Variants in LRRC18 observed in about 807,000 individuals in gnomAD.
The protein encoded by LRRC18 is leucine-rich repeat-containing protein 18.
LRRC18 carries 12 observed loss-of-function variants against 11.2 expected under a neutral mutation model. The observed-to-expected ratio is 1.07, with a 90% confidence interval of 0.69 to 1.74. The LOEUF (loss-of-function observed/expected upper bound fraction) is 1.74, where lower values mean the gene tolerates loss of function less well. LRRC18 is among the 40% of genes most tolerant of loss of function. The probability of loss-of-function intolerance (pLI) is 0.00; values close to 1 mark genes in which losing one functional copy is unlikely to be tolerated. For missense variants in LRRC18, 374 were observed against 330.5 expected, an observed-to-expected ratio of 1.13 and a Z score of -1.02; for synonymous variants, 155 against 130.6, an observed-to-expected ratio of 1.19 and a Z score of -1.27.
At chr10:48,924,166 C>T in the LRRC18 span, among the ~76,000 whole-genome samples, 3,048 of 152,286 alleles carry the variant, frequency 0.02, 103 homozygotes, top group African/African-American at 0.065. Flanking sequence ...TAGGCAGCCC[C>T]GGGGCCAGAT....
At chr10:48,937,817 A>C in the LRRC18 span, among the ~76,000 whole-genome samples, 39 of 152,186 alleles carry the variant, frequency 2.6e-4, no homozygotes, top group Non-Finnish European at 5.0e-4. Context: ...CTGGGTTTAA[A>C]AAGTAGAGTC....
chr10:48,933,501 G>A, the LRRC18 span, among the ~76,000 whole-genome samples: 1 of 152,218 alleles, frequency 6.6e-6, no homozygotes, highest in Non-Finnish European at 1.5e-5. Context: ...CACCCAGGAA[G>A]CTCCTGACTC....
chr10:48,913,656 G>A lies in LRRC18; in HGVS notation c.500C>T (p.Pro167Leu), dbSNP rs947229714. The change falls in exon 1 of 2, where the codon CCC (proline) becomes CTC (leucine). Residue 167 changes from proline to leucine, a missense_variant. Coordinates refer to ENST00000374160, the Ensembl canonical transcript of LRRC18. Reference sequence around the variant, plus strand: ...CTTTATGTTGAGCTTTTTCAGCTTGGGGAGCTTGGAGATGCTCACGGGGAT... The same window carrying A: ...CTTTATGTTGAGCTTTTTCAGCTTGAGGAGCTTGGAGATGCTCACGGGGAT... 3 of 1,613,608 alleles carry A rather than the reference G, an allele frequency of 1.9e-6. No homozygotes were observed. In the African/African-American group the frequency reaches 4.0e-5, roughly 22 times the overall value.
chr10:48,913,784 G>A lies in LRRC18; in HGVS notation c.372C>T (p.Arg124=), dbSNP rs144747704. 1.2e-4 allele frequency: 195 copies of A among 1,614,066 alleles called. No individual in the cohort carries two copies. In the African/African-American group the frequency reaches 2.0e-3, roughly 17 times the overall value. ...GGTGGTTCAAGCCTAGGTTCACAGC[G>A]CGGATGTTCTTGAGTTGCTTCAGCT... The change falls in exon 1 of 2, where the codon CGC becomes CGT. Residue 124 remains arginine, a synonymous_variant. Transcript: ENST00000374160.
At chr10:48,923,890 G>A in the LRRC18 span, among the ~76,000 whole-genome samples, 1 of 152,186 alleles carries the variant, frequency 6.6e-6, no homozygotes, top group Non-Finnish European at 1.5e-5. Flanking sequence ...GGACAGGAAG[G>A]GGTGCTTCCA....
chr10:48,925,999 A>T, the LRRC18 span, among the ~76,000 whole-genome samples: 2 of 152,216 alleles, frequency 1.3e-5, no homozygotes, highest in African/African-American at 4.8e-5. Context: ...GGCAGCAAAG[A>T]ATACAGCCAA....
chr10:48,922,457 T>A, the LRRC18 span, among the ~76,000 whole-genome samples: 34,849 of 152,206 alleles, frequency 0.23, 4,896 homozygotes, highest in East Asian at 0.39. Flanking sequence ...AATCATATGC[T>A]GAGGTTGCTA....
exon 2 of LRRC18, chr10:48,910,247 G>A (rs143201766): frequency 1.8e-5 from 28 of 1,517,094 alleles, no homozygotes; most frequent in Admixed American, 5.3e-5. Context: ...CTAGGAAGAT[G>A]TCAAGCGTAT....
upstream of LRRC18, among the ~76,000 whole-genome samples, chr10:48,916,981 T>A (rs1838606839): frequency 1.3e-5 from 2 of 152,090 alleles, no homozygotes; most frequent in South Asian, 4.1e-4. Flanking sequence ...CCCATAAGAT[T>A]GTGATACTAT....
chr10:48,934,894 C>T, the LRRC18 span, among the ~76,000 whole-genome samples: 6 of 152,222 alleles, frequency 3.9e-5, no homozygotes, highest in Non-Finnish European at 8.8e-5. Context: ...ATGACTTGCA[C>T]ACCTGCCTTC....
chr10:48,924,619 C>G, the LRRC18 span, among the ~76,000 whole-genome samples: 1 of 152,158 alleles, frequency 6.6e-6, no homozygotes, highest in African/African-American at 2.4e-5. Flanking sequence ...TGTTCTTGTA[C>G]AATTTTTTTT....
At chr10:48,916,359 G>C (rs1237228089), upstream of LRRC18, among the ~76,000 whole-genome samples, 1 of 152,116 alleles carries the variant, frequency 6.6e-6, no homozygotes, top group African/African-American at 2.4e-5. Flanking sequence ...AAATCTGTTT[G>C]GTGTTCTGTT....
chr10:48,923,247 G>T, the LRRC18 span, among the ~76,000 whole-genome samples: 2 of 151,948 alleles, frequency 1.3e-5, no homozygotes, highest in Admixed American at 1.3e-4. Flanking sequence ...TCTCCCTGGT[G>T]TATGCACTGG....
upstream of LRRC18, among the ~76,000 whole-genome samples, chr10:48,914,534 A>G (rs965800645): frequency 7.2e-5 from 11 of 151,976 alleles, no homozygotes; most frequent in African/African-American, 2.7e-4. Flanking sequence ...ACTGTCACGT[A>G]CCCCCAACCC....
At chr10:48,925,752 C>T in the LRRC18 span, among the ~76,000 whole-genome samples, 1 of 152,108 alleles carries the variant, frequency 6.6e-6, no homozygotes, top group Admixed American at 6.5e-5. Flanking sequence ...TGGAATCTTA[C>T]AGGGACTCCA....
At chr10:48,938,121 C>G in the LRRC18 span, among the ~76,000 whole-genome samples, 1 of 152,372 alleles carries the variant, frequency 6.6e-6, no homozygotes, top group East Asian at 1.9e-4. Flanking sequence ...CCTAGTGCTT[C>G]TTAACTCAAG....
At chr10:48,931,171 G>A in the LRRC18 span, among the ~76,000 whole-genome samples, 5 of 151,968 alleles carry the variant, frequency 3.3e-5, no homozygotes, top group Non-Finnish European at 7.4e-5. Context: ...GGTGGTGGTG[G>A]GAGTTATTCA....
At chr10:48,931,495 A>C in the LRRC18 span, among the ~76,000 whole-genome samples, 135,281 of 152,140 alleles carry the variant, frequency 0.89, 61,588 homozygotes, top group East Asian at 1. Flanking sequence ...CTGTTGTGAG[A>C]GGGTGGCCCG....
At chr10:48,935,855 G>C in the LRRC18 span, among the ~76,000 whole-genome samples, 1 of 151,062 alleles carries the variant, frequency 6.6e-6, no homozygotes, top group East Asian at 1.9e-4. Context: ...TTTCCAGCCT[G>C]GCATTATCAT....
Sources: allele counts gnomAD v4.1 joint callset (sites outside exome capture counted in the v4.1 genomes callset), GRCh38; gene constraint gnomAD v4.1.1; transcripts MANE v1.5; gene names NCBI Gene and HGNC (gene_info 2026-07-23, HGNC 2026-07-21).